Variants in MTRR observed in about 807,000 individuals in gnomAD.
MTRR encodes methionine synthase reductase.
Under a neutral mutation model 79.2 loss-of-function variants are expected in MTRR, and 63 were observed. The observed-to-expected ratio is 0.80, with a 90% confidence interval of 0.65 to 0.98. The LOEUF (loss-of-function observed/expected upper bound fraction) is 0.98, where lower values mean the gene tolerates loss of function less well. Ranked by LOEUF, MTRR falls within the 50% of genes least tolerant of loss-of-function variation. The pLI, the probability that MTRR is intolerant of heterozygous loss-of-function variation, is 0.00. For synonymous variants in MTRR, 355 were observed against 313.3 expected (o/e 1.13, Z -1.41); for missense variants, 895 against 839.6 (o/e 1.07, Z -0.82).
chr5:7,866,683 T>C, upstream of MTRR: 1 of 1,598,650 alleles, frequency 6.3e-7, no homozygotes. Flanking sequence ...TGAATATTTT[T>C]GCCAGAAAGT....
At chr5:7,876,673 A>G (rs1217780616) in intron 4 of MTRR, among the ~76,000 whole-genome samples, 1 of 152,248 alleles carries the variant, frequency 6.6e-6, no homozygotes, top group Non-Finnish European at 1.5e-5. Flanking sequence ...CTGGGTTCAA[A>G]TCCTTGATCC....
intron 10 of MTRR, among the ~76,000 whole-genome samples, chr5:7,891,969 G>T (rs1442679334): frequency 1.3e-5 from 2 of 152,126 alleles, no homozygotes; most frequent in East Asian, 3.9e-4. Context: ...GTGAACCCGG[G>T]AGGCGGAGCT....
At chr5:7,887,790 G>GCATATA (rs1409775801) in intron 8 of MTRR, among the ~76,000 whole-genome samples, 900 of 63,442 alleles carry the variant, frequency 0.014, 15 homozygotes, top group Middle Eastern at 0.046. Context: ...GTGTGTGTGT[G>GCATATA]TGCATATATA....
At chr5:7,870,465 G>A (rs147726615) in intron 1 of MTRR, 285 of 379,128 alleles carry the variant, frequency 7.5e-4, no homozygotes, top group African/African-American at 5.3e-3. Flanking sequence ...GCTGTGGTAC[G>A]GATCATTTGG....
chr5:7,884,852 G>A (rs975269289), intron 6 of MTRR, among the ~76,000 whole-genome samples: 2 of 152,206 alleles, frequency 1.3e-5, no homozygotes, highest in Non-Finnish European at 2.9e-5. Flanking sequence ...GGCTGTTGGT[G>A]TAGATTTAAT....
Position 7,900,118 on chromosome 5 carries a change from T to C in MTRR, c.*60T>C. The C allele has an allele frequency of 3.2e-6, 5 of 1,587,066 alleles. No homozygotes were observed. Among genetic ancestry groups the C allele is most frequent in the Non-Finnish European group, 4.3e-6 (5 of 1,165,578 alleles). On this transcript the variant is annotated 3_prime_UTR_variant, in exon 15 of 15. Transcript: ENST00000440940. ...TGACTGAAAGTACTAAAAGTCAGCTTTACTAGTGCCAAACCTTTAAATTTT... is the reference window on the plus strand; with the variant it reads ...TGACTGAAAGTACTAAAAGTCAGCTCTACTAGTGCCAAACCTTTAAATTTT...
At position 7,900,624 on chromosome 5, in the gene MTRR, C is replaced by G. The variant is rs943685171; in HGVS notation, c.*566C>G. ...GATAAAAAATATTTTAGGATAATTG[C>G]CTACAGAGGGATTTATTTTTATGAT... On this transcript the variant is annotated 3_prime_UTR_variant, in exon 15 of 15. Coordinates refer to ENST00000440940, the MANE Select transcript of MTRR (RefSeq NM_002454.3). 6.6e-6 allele frequency: 1 copy of G among 152,616 alleles called. No homozygotes were observed. The highest frequency in any genetic ancestry group is 2.4e-5 in the African/African-American group (1 of 41,358). The allele number at this position is 152,616 out of a possible 1,614,324, so 9.5% of individuals were successfully genotyped here.
chr5:7,868,560 C>G (rs1231187627), upstream of MTRR, among the ~76,000 whole-genome samples: 1 of 151,870 alleles, frequency 6.6e-6, no homozygotes. Flanking sequence ...CAAAATTAGG[C>G]GAGGTTAGAG....
intron 1 of MTRR, chr5:7,861,618 T>C: frequency 6.2e-7 from 1 of 1,608,180 alleles, no homozygotes. Flanking sequence ...TGGATGGCAA[T>C]ACAAATCCTT....
rs758385971 is a variant in MTRR at position 7,859,536 on chromosome 5, G to A, written n.392-2415G>A. On this transcript the variant is annotated intron_variant and non_coding_transcript_variant, in intron 1 of 3. Transcript: ENST00000502509. ...TTTAGCATCCCAATCTCATGATAGG[G>A]GATCTGTAAAGGTAGAAAAGTAAAA... 6 of 1,583,782 alleles carry A rather than the reference G, an allele frequency of 3.8e-6. No individual in the cohort carries two copies. In the South Asian group the frequency reaches 6.9e-5, roughly 18 times the overall value.
chr5:7,900,229 G>A lies in MTRR; in HGVS notation c.*171G>A. The A allele has an allele frequency of 6.7e-6, 5 of 750,912 alleles. No homozygotes were observed. Among genetic ancestry groups the A allele is most frequent in the Non-Finnish European group, 8.4e-6 (4 of 473,796 alleles). 46.5% of individuals were successfully genotyped at this position (750,912 alleles called of 1,614,324 possible). ...ACAATATAACAAAACTTCCTGATTT[G>A]ATTTTACGTATCTTCTATCTACGCC... is the stretch of plus-strand genomic sequence containing the variant. On this transcript the variant is annotated 3_prime_UTR_variant, in exon 15 of 15. Transcript: ENST00000440940.
intron 1 of MTRR, among the ~76,000 whole-genome samples, chr5:7,852,327 G>T (rs545664067): frequency 6.6e-6 from 1 of 152,242 alleles, no homozygotes; most frequent in Non-Finnish European, 1.5e-5. Flanking sequence ...GAGTTCTAGA[G>T]ATCCTTCTGG....
At chr5:7,863,241 CAGAA>C (rs1201387379) in intron 2 of MTRR, 1 of 447,402 alleles carries the variant, frequency 2.2e-6, no homozygotes, top group Non-Finnish European at 4.0e-6. Flanking sequence ...TTACCATAAA[CAGAA>C]AGAAAAGTAA....
At chr5:7,858,043 CCTT>C (rs1031395739) in intron 1 of MTRR, among the ~76,000 whole-genome samples, 3 of 152,110 alleles carry the variant, frequency 2.0e-5, no homozygotes, top group African/African-American at 7.2e-5. Context: ...CCTTTCTGCT[CCTT>C]AAACTGAATG....
intron 8 of MTRR, among the ~76,000 whole-genome samples, chr5:7,887,752 A>G (rs904224993): frequency 3.6e-5 from 5 of 138,058 alleles, no homozygotes; most frequent in Non-Finnish European, 6.3e-5. Flanking sequence ...ATGTGTGTGT[A>G]TATATGTGTG....
chr5:7,880,660 G>A (rs1162838261), intron 5 of MTRR, among the ~76,000 whole-genome samples: 1 of 152,168 alleles, frequency 6.6e-6, no homozygotes, highest in Non-Finnish European at 1.5e-5. Flanking sequence ...GGTGTTTAGG[G>A]AGGAGGATGG....
chr5:7,880,656 T>C (rs976427618), intron 5 of MTRR, among the ~76,000 whole-genome samples: 3 of 152,196 alleles, frequency 2.0e-5, no homozygotes, highest in African/African-American at 7.2e-5. Context: ...TCTTGGTGTT[T>C]AGGGAGGAGG....
intron 11 of MTRR, among the ~76,000 whole-genome samples, chr5:7,894,334 C>T (rs558263980): frequency 6.6e-6 from 1 of 152,366 alleles, no homozygotes; most frequent in South Asian, 2.1e-4. Context: ...TTAACCCTGC[C>T]ACTGATGTTC....
chr5:7,889,005 G>T, intron 8 of MTRR, 90 bp from the exon 9 acceptor site: 1 of 1,461,394 alleles, frequency 6.8e-7, no homozygotes, highest in East Asian at 2.3e-5. Context: ...TTGGGTAATT[G>T]GGTGCATCCC....
Sources: gnomAD v4.1 joint callset for allele counts (sites outside exome capture counted in the v4.1 genomes callset) on GRCh38, gnomAD v4.1.1 for gene constraint, MANE v1.5 for transcripts, NCBI Gene and HGNC (gene_info 2026-07-23, HGNC 2026-07-21) for gene names.